The following DYNLL1 variants were observed in gnomAD, a reference collection of about 807,000 sequenced individuals.
DYNLL1 encodes dynein light chain LC8-type 1, also known as dynein light chain 1, cytoplasmic.
A neutral mutation model predicts 10.1 loss-of-function variants in DYNLL1; 3 were observed. The ratio of observed to expected loss-of-function variants is 0.30; its 90% CI spans 0.14 to 0.77. The LOEUF is 0.77. Among genes scored for constraint, DYNLL1 ranks in the 30% least tolerant of loss-of-function variants. DYNLL1 has a pLI of 0.66. For synonymous variants in DYNLL1, 46 were observed against 41.2 expected, an observed-to-expected ratio of 1.12 and a Z score of -0.45; for missense variants, 47 against 111.7, an observed-to-expected ratio of 0.42 and a Z score of 2.61.
intron 1 of DYNLL1, among the ~76,000 whole-genome samples, chr12:120,478,472 C>G (rs1592998468): frequency 6.6e-6 from 1 of 150,760 alleles, no homozygotes; most frequent in Non-Finnish European, 1.5e-5. Context: ...TCTCAAACTC[C>G]TGAGCTCAAG....
At position 120,496,507 on chromosome 12, in the gene DYNLL1, T is replaced by C; in HGVS notation, c.86T>C (p.Leu29Pro). 6.2e-7 allele frequency: 1 copy of C among 1,614,100 alleles called. No individual in the cohort carries two copies. Among genetic ancestry groups the C allele is most frequent in the Non-Finnish European group, 8.5e-7 (1 of 1,180,016 alleles). The stretch of plus-strand genomic sequence containing the variant: ...TCGGTGGAGTGCGCTACTCAGGCGC[T>C]GGAGAAATACAACATAGAGAAGGAC... ...QDSVECATQALEKYNIEKDIA... is the reference protein window; with the variant it reads ...QDSVECATQAPEKYNIEKDIA... The change falls in exon 2 of 3, where the codon CTG (leucine) becomes CCG (proline). Residue 29 changes from leucine to proline, a missense_variant. By Grantham distance (98) the Leu-to-Pro change is moderately conservative. Coordinates refer to ENST00000242577, the MANE Select transcript of DYNLL1 (RefSeq NM_003746.3).
At chr12:120,488,526 A>G (rs1879046855) in intron 1 of DYNLL1, 1 of 152,148 alleles carries the variant, frequency 6.6e-6, no homozygotes, top group African/African-American at 2.4e-5. Context: ...CTAAACTCCA[A>G]AAGGATAGGA....
At chr12:120,475,305 C>A (rs973768236) in intron 1 of DYNLL1, among the ~76,000 whole-genome samples, 1 of 152,124 alleles carries the variant, frequency 6.6e-6, no homozygotes, top group African/African-American at 2.4e-5. Flanking sequence ...AGCTCGGTTG[C>A]TTTATTTTTA....
chr12:120,474,208 G>A (rs1031262043), intron 1 of DYNLL1, among the ~76,000 whole-genome samples: 27 of 151,792 alleles, frequency 1.8e-4, no homozygotes, highest in Admixed American at 9.9e-4. Flanking sequence ...GCTGAGGGGG[G>A]AGAATCACTT....
intron 1 of DYNLL1, among the ~76,000 whole-genome samples, chr12:120,485,022 G>A (rs1878961056): frequency 6.6e-6 from 1 of 151,986 alleles, no homozygotes; most frequent in East Asian, 2.0e-4. Context: ...TTACAGGCGT[G>A]AGCCACCGCC....
At chr12:120,478,883 C>T (rs753310441) in intron 1 of DYNLL1, among the ~76,000 whole-genome samples, 2 of 147,104 alleles carry the variant, frequency 1.4e-5, no homozygotes, top group Admixed American at 6.8e-5. Flanking sequence ...CAGGGTTTTG[C>T]CATGTTGGCC....
chr12:120,496,006 T>C (rs1477015212), upstream of DYNLL1: 1 of 285,162 alleles, frequency 3.5e-6, no homozygotes, highest in Non-Finnish European at 6.8e-6. Context: ...AATGGAAGAA[T>C]GCCGTGGGCT....
intron 1 of DYNLL1, chr12:120,488,727 C>A (rs2137065396): frequency 6.6e-6 from 1 of 152,264 alleles, no homozygotes; most frequent in Admixed American, 6.5e-5. Flanking sequence ...GCCTGACCAA[C>A]ATGGAGAAAC....
chr12:120,488,952 A>C (rs1213493665), intron 1 of DYNLL1, among the ~76,000 whole-genome samples: 1 of 152,158 alleles, frequency 6.6e-6, no homozygotes, highest in Non-Finnish European at 1.5e-5. Context: ...TAAGTGACTA[A>C]AAGACAGGGT....
intron 1 of DYNLL1, among the ~76,000 whole-genome samples, chr12:120,487,721 T>C (rs193165366): frequency 1.0e-3 from 153 of 152,290 alleles, no homozygotes; most frequent in African/African-American, 2.7e-3. Context: ...CACGTGACCG[T>C]TGCCAAGCAA....
Position 120,479,462 on chromosome 12 carries a change from A to T in DYNLL1, c.-7+9358A>T, listed in dbSNP as rs59230850. On this transcript the variant is annotated intron_variant, in intron 1 of 2. Coordinates refer to the DYNLL1 transcript ENST00000392509. ...AAACTCCGTCTCCAAAAAAAAAAAA[A>T]AAAAAAAATAATAATAATAATAATA... Among the ~76,000 whole-genome samples the T allele has an allele frequency of 5.5e-3, 726 of 133,142 alleles. 7 individuals carry two copies. The highest frequency in any genetic ancestry group is 0.019 in the African/African-American group (674 of 35,526). 87.3% of individuals were successfully genotyped at this position (133,142 alleles called of 152,430 possible).
chr12:120,496,764 T>A, intron 2 of DYNLL1: 3 of 669,992 alleles, frequency 4.5e-6, no homozygotes, highest in Non-Finnish European at 7.4e-6. Flanking sequence ...TTTTTTTAAT[T>A]ACCCAGCTCC....
At chr12:120,472,146 T>C (rs565147857) in intron 1 of DYNLL1, among the ~76,000 whole-genome samples, 36 of 152,100 alleles carry the variant, frequency 2.4e-4, no homozygotes, top group African/African-American at 7.9e-4. Flanking sequence ...GTTTAATGTA[T>C]ACACATATAT....
chr12:120,485,308 G>A (rs1322397593), intron 1 of DYNLL1, among the ~76,000 whole-genome samples: 2 of 141,214 alleles, frequency 1.4e-5, no homozygotes, highest in Middle Eastern at 3.8e-3. Flanking sequence ...CCAGGCTGGA[G>A]TGCAGTGGCA....
chr12:120,478,600 C>G (rs1019456370), intron 1 of DYNLL1, among the ~76,000 whole-genome samples: 2 of 150,394 alleles, frequency 1.3e-5, no homozygotes, highest in African/African-American at 4.9e-5. Flanking sequence ...GCCTGTAATC[C>G]TAGCACTTAG....
chr12:120,496,871 T>A, intron 2 of DYNLL1: 1 of 482,846 alleles, frequency 2.1e-6, no homozygotes, highest in Middle Eastern at 5.7e-4. Context: ...ATCTGGGTGT[T>A]CCGGAGGGGG....
chr12:120,477,738 G>A (rs996207296), intron 1 of DYNLL1, among the ~76,000 whole-genome samples: 1 of 152,052 alleles, frequency 6.6e-6, no homozygotes, highest in Non-Finnish European at 1.5e-5. Context: ...TCTCGCCACT[G>A]TACTCCAGCC....
chr12:120,482,633 A>AT (rs936359012), intron 1 of DYNLL1, among the ~76,000 whole-genome samples: 18 of 152,024 alleles, frequency 1.2e-4, no homozygotes, highest in South Asian at 6.2e-4. Context: ...AGCCAAAACA[A>AT]TTTTTTTACA....
chr12:120,470,488 A>ACAGGGT (rs1328361002), intron 1 of DYNLL1, among the ~76,000 whole-genome samples: 1 of 152,070 alleles, frequency 6.6e-6, no homozygotes, highest in Non-Finnish European at 1.5e-5. Context: ...TGTTTTTGAT[A>ACAGGGT]CAGGGTCTTA....
Sources: allele counts gnomAD v4.1 joint callset (sites outside exome capture counted in the v4.1 genomes callset), GRCh38; gene constraint gnomAD v4.1.1; transcripts MANE v1.5; gene names NCBI Gene and HGNC (gene_info 2026-07-23, HGNC 2026-07-21).